The following DCAF6 variants were observed in gnomAD, a reference collection of about 807,000 sequenced individuals.
DCAF6 encodes the protein DDB1 and CUL4 associated factor 6, also known as DDB1- and CUL4-associated factor 6.
Under a neutral mutation model 125.1 loss-of-function variants are expected in DCAF6, and 54 were observed. The observed-to-expected ratio is 0.43, with a 90% confidence interval of 0.35 to 0.54. The LOEUF (loss-of-function observed/expected upper bound fraction) is 0.54. Among genes scored for constraint, DCAF6 ranks in the 20% least tolerant of loss-of-function variants. The pLI, the probability that DCAF6 is intolerant of heterozygous loss-of-function variation, is 0.01. For missense variants in DCAF6, 934 were observed against 1,161.7 expected (o/e 0.80, Z 2.85); for synonymous variants, 371 against 390.4 (o/e 0.95, Z 0.58).
intron 11 of DCAF6, among the ~76,000 whole-genome samples, chr1:168,020,909 A>G (rs1359862040): frequency 6.6e-6 from 1 of 152,134 alleles, no homozygotes; most frequent in Non-Finnish European, 1.5e-5. Context: ...GAAAGCAGTG[A>G]CCAGGAAGGA....
rs764714610 is a variant in DCAF6, at chr1:168,043,079, T to A, written c.1782T>A (p.Gly594=). 4 of 1,612,964 alleles carry A rather than the reference T, an allele frequency of 2.5e-6. No individual in the cohort carries two copies. In the Admixed American group the frequency reaches 6.7e-5, roughly 27 times the overall value. ...RGIGSHCKSE[G]QEESFVPQSS... is the part of the protein sequence containing the mutation. ...TTGGGAGCCATTGCAAATCTGAGGG[T>A]CAGGAGGAATCTTTCGTCCCACAGA... The change falls in exon 14 of 22, where the codon GGT becomes GGA. Residue 594 remains glycine (G), a synonymous_variant. Coordinates refer to ENST00000367840, the MANE Select transcript of DCAF6 (RefSeq NM_001198956.2).
chr1:168,042,040 T>C (rs1380327946), intron 13 of DCAF6, among the ~76,000 whole-genome samples: 1 of 151,920 alleles, frequency 6.6e-6, no homozygotes, highest in Non-Finnish European at 1.5e-5. Flanking sequence ...CCCATATGAA[T>C]ATACAGTTTT....
chr1:167,929,124 G>GGAGGTGGGCGGATCACCA, the DCAF6 span, among the ~76,000 whole-genome samples: 2 of 151,264 alleles, frequency 1.3e-5, no homozygotes, highest in Admixed American at 1.3e-4. Flanking sequence ...TTTGGGAGGC[G>GGAGGTGGGCGGATCACCA]GAGGTGGGCG....
the DCAF6 span, among the ~76,000 whole-genome samples, chr1:167,867,493 T>C: frequency 6.6e-6 from 1 of 152,230 alleles, no homozygotes; most frequent in Non-Finnish European, 1.5e-5. Flanking sequence ...ATGGTTATTA[T>C]AAGTGTACGA....
At chr1:167,970,274 C>T (rs919724385) in intron 3 of DCAF6, among the ~76,000 whole-genome samples, 8 of 152,084 alleles carry the variant, frequency 5.3e-5, no homozygotes, top group African/African-American at 1.9e-4. Context: ...TGTATGATTT[C>T]CAATAGAATA....
At chr1:167,896,980 T>C in the DCAF6 span, among the ~76,000 whole-genome samples, 2 of 152,168 alleles carry the variant, frequency 1.3e-5, no homozygotes, top group Non-Finnish European at 2.9e-5. Flanking sequence ...TCCTGCTTTT[T>C]TTCCTTCATA....
At chr1:167,989,895 G>A (rs1680587763) in intron 5 of DCAF6, among the ~76,000 whole-genome samples, 1 of 151,968 alleles carries the variant, frequency 6.6e-6, no homozygotes, top group African/African-American at 2.4e-5. Context: ...AGAATGAGGA[G>A]TGAGAGTCAT....
At chr1:167,926,372 A>T in the DCAF6 span, among the ~76,000 whole-genome samples, 1 of 152,142 alleles carries the variant, frequency 6.6e-6, no homozygotes, top group Non-Finnish European at 1.5e-5. Flanking sequence ...CACACATAGA[A>T]CTCTAGCCAC....
At chr1:167,966,604 T>C (rs1676459731) in intron 2 of DCAF6, 25 bp from the exon 3 acceptor site, 2 of 1,434,062 alleles carry the variant, frequency 1.4e-6, no homozygotes, top group East Asian at 4.6e-5. Flanking sequence ...AATTTGCTTA[T>C]ATTTCTTTTT....
intron 1 of DCAF6, among the ~76,000 whole-genome samples, chr1:167,948,617 T>A (rs917628918): frequency 2.6e-5 from 4 of 152,212 alleles, no homozygotes; most frequent in African/African-American, 9.7e-5. Flanking sequence ...AATAGCTGTA[T>A]ATTTATTGTC....
intron 7 of DCAF6, among the ~76,000 whole-genome samples, chr1:167,995,030 A>T (rs1404043153): frequency 6.6e-6 from 1 of 152,152 alleles, no homozygotes; most frequent in Non-Finnish European, 1.5e-5. Context: ...TTGAATTAGG[A>T]AATTGATGAA....
At chr1:167,880,011 G>C in the DCAF6 span, 5 of 946,522 alleles carry the variant, frequency 5.3e-6, no homozygotes, top group Non-Finnish European at 8.4e-6. Flanking sequence ...GTTTCTGAGG[G>C]CAGGGCTCAT....
intron 7 of DCAF6, among the ~76,000 whole-genome samples, chr1:168,000,123 T>C (rs1225730240): frequency 6.6e-6 from 1 of 152,086 alleles, no homozygotes; most frequent in Non-Finnish European, 1.5e-5. Context: ...CTCAAGAAAT[T>C]GGAAGGCTCG....
At chr1:167,911,459 T>C in the DCAF6 span, among the ~76,000 whole-genome samples, 32 of 152,278 alleles carry the variant, frequency 2.1e-4, no homozygotes, top group African/African-American at 7.0e-4. Flanking sequence ...CTCTTCCTTA[T>C]TTAAAAGTAT....
At chr1:167,924,348 C>T in the DCAF6 span, 4 of 572,218 alleles carry the variant, frequency 7.0e-6, no homozygotes, top group African/African-American at 2.0e-5. Context: ...ATGTAGAAAA[C>T]GATATGTCTG....
chr1:167,900,830 C>G, the DCAF6 span, among the ~76,000 whole-genome samples: 9 of 152,264 alleles, frequency 5.9e-5, no homozygotes, highest in South Asian at 1.7e-3. Context: ...CTGCACCTGG[C>G]CTTATTTGGA....
In DCAF6 at chr1:167,969,606, G is replaced by A. The variant is rs371557591; in HGVS notation, c.252+2885G>A. On this transcript the variant is annotated intron_variant, in intron 3 of 21. Coordinates refer to ENST00000367840, the MANE Select transcript of DCAF6 (RefSeq NM_001198956.2). ...CTTAATAAGATATTTAAATAAGTGTGTATCATCTATCAGCTGAAAAAGAAG... is the reference window on the plus strand; with the variant it reads ...CTTAATAAGATATTTAAATAAGTGTATATCATCTATCAGCTGAAAAAGAAG... Among the ~76,000 whole-genome samples the A allele has an allele frequency of 7.8e-4, 118 of 152,160 alleles. 1 individual carries two copies. In the South Asian group the frequency reaches 0.023, roughly 29 times the overall value.
chr1:167,957,060 C>A (rs1210981948), intron 2 of DCAF6, among the ~76,000 whole-genome samples: 5 of 151,952 alleles, frequency 3.3e-5, no homozygotes, highest in Non-Finnish European at 7.4e-5. Flanking sequence ...TGATGATAAA[C>A]CTGGTCCATG....
At chr1:167,901,526 G>T in the DCAF6 span, 1 of 910,480 alleles carries the variant, frequency 1.1e-6, no homozygotes, top group Non-Finnish European at 1.8e-6. Context: ...CATTCTGATT[G>T]TCCTGATGCC....
Sources: allele counts gnomAD v4.1 joint callset (sites outside exome capture counted in the v4.1 genomes callset), GRCh38; gene constraint gnomAD v4.1.1; transcripts MANE v1.5; gene names NCBI Gene and HGNC (gene_info 2026-07-23, HGNC 2026-07-21).